TMC7: variants seen among roughly 807,000 people sequenced by gnomAD.
The protein encoded by TMC7 is transmembrane channel-like protein 7.
In TMC7, 54 loss-of-function variants were observed where a neutral mutation model predicts 82.9. That is an observed-to-expected ratio of 0.65 (90% CI 0.52 to 0.82). The LOEUF (loss-of-function observed/expected upper bound fraction) is 0.82, where lower values mean the gene tolerates loss of function less well. Among genes scored for constraint, TMC7 ranks in the 40% least tolerant of loss-of-function variants. The pLI is 0.00. For synonymous variants in TMC7, 350 were observed against 337.9 expected, an observed-to-expected ratio of 1.04 and a Z score of -0.39; for missense variants, 820 against 901.2, an observed-to-expected ratio of 0.91 and a Z score of 1.15.
At chr16:18,984,252 C>A in intron 1 of TMC7, 122 bp downstream of exon 1, 1 of 1,342,434 alleles carries the variant, frequency 7.4e-7, no homozygotes, top group Non-Finnish European at 9.5e-7. Flanking sequence ...GCCGGGTGCT[C>A]CCGGCTCTGG....
At chr16:19,004,861 T>C (rs1290002168) in intron 1 of TMC7, among the ~76,000 whole-genome samples, 1 of 151,512 alleles carries the variant, frequency 6.6e-6, no homozygotes, top group East Asian at 1.9e-4. Flanking sequence ...ATTCTTTTGT[T>C]TGTCTTTTGG....
At chr16:19,006,747 G>C (rs778357421) in intron 1 of TMC7, among the ~76,000 whole-genome samples, 1 of 152,228 alleles carries the variant, frequency 6.6e-6, no homozygotes, top group African/African-American at 2.4e-5. Flanking sequence ...GTCTGCTGGC[G>C]CTGGAGCACC....
At chr16:19,054,043 AT>A (rs1961659829) in intron 13 of TMC7, among the ~76,000 whole-genome samples, 1 of 151,952 alleles carries the variant, frequency 6.6e-6, no homozygotes, top group Non-Finnish European at 1.5e-5. Context: ...TGGGCCATAA[AT>A]TGTTCATCCA....
At position 19,044,921 on chromosome 16, in the gene TMC7, G is replaced by T. The variant is rs1400947000; in HGVS notation, c.1375G>T (p.Val459Leu). The T allele has an allele frequency of 6.2e-7, 1 of 1,613,960 alleles. No individual in the cohort carries two copies. The highest frequency in any genetic ancestry group is 1.1e-5 in the South Asian group (1 of 91,076). The change falls in exon 10 of 16, where the codon GTG becomes TTG. Residue 459 changes from valine (V) to leucine (L), a missense_variant. Transcript: ENST00000304381. ...FMRLATICVL[V>L]FTLGSKITSC... ...GCGGCTGGCCACCATATGTGTCCTG[G>T]TGTTCACGCTGGGCTCCAAGATCAC...
At chr16:19,023,806 A>G (rs1960097975) in intron 5 of TMC7, among the ~76,000 whole-genome samples, 1 of 152,204 alleles carries the variant, frequency 6.6e-6, no homozygotes, top group Non-Finnish European at 1.5e-5. Context: ...CACAGAAAGA[A>G]GCTTCAGTGA....
chr16:19,055,819 C>G (rs976266526), intron 13 of TMC7, among the ~76,000 whole-genome samples: 2 of 152,124 alleles, frequency 1.3e-5, no homozygotes, highest in African/African-American at 4.8e-5. Context: ...ACCCCCGTCA[C>G]CTAGGTATTA....
At position 19,047,217 on chromosome 16, in the gene TMC7, C is replaced by G. The variant is rs753878005; in HGVS notation, c.1708C>G (p.Leu570Val). 7.4e-6 allele frequency: 12 copies of G among 1,613,932 alleles called. No individual in the cohort carries two copies. In the South Asian group the frequency reaches 7.7e-5, roughly 10 times the overall value. Residue 570 changes from leucine (L) to valine (V), a missense_variant, in exon 12 of 16, where the codon CTG becomes GTG. This residue lies in a region of TMC7 where 170 missense variants were observed against 231.3 expected (regional missense o/e 0.74). Transcript: ENST00000304381. ...ACCCCTTCTCCCTGCAATTGCAACC[C>G]TGAAATTCATTATCATCTTCTATGT... ...FSPLLPAIAT[L>V]KFIIIFYVKE...
chr16:19,032,323 G>A (rs1422027602), intron 6 of TMC7, among the ~76,000 whole-genome samples: 5 of 152,138 alleles, frequency 3.3e-5, no homozygotes, highest in South Asian at 4.1e-4. Flanking sequence ...TGAGATGAAC[G>A]TGAACTAGTG....
chr16:18,987,652 T>C (rs2038876512), intron 1 of TMC7, among the ~76,000 whole-genome samples: 1 of 152,098 alleles, frequency 6.6e-6, no homozygotes, highest in African/African-American at 2.4e-5. Context: ...AACAGGGGCT[T>C]TGCCTTGTTT....
In TMC7 at chr16:19,029,313, G is replaced by A. The variant is rs144032497; in HGVS notation, c.712-911G>A. On this transcript the variant is annotated intron_variant, in intron 5 of 15. Coordinates refer to ENST00000304381, the MANE Select transcript of TMC7 (RefSeq NM_024847.4). ...AGCCACCGTGCCCGGCACGAGATTT[G>A]CACTTCCTTAGTTAAATTTAGTCCT... is the stretch of plus-strand genomic sequence containing the variant. 1.3e-4 allele frequency among the ~76,000 whole-genome samples: 20 copies of A among 151,988 alleles called. No homozygotes were observed. In the East Asian group the frequency reaches 3.9e-3, roughly 30 times the overall value.
At chr16:19,031,735 G>A (rs1960525380) in intron 6 of TMC7, among the ~76,000 whole-genome samples, 1 of 152,168 alleles carries the variant, frequency 6.6e-6, no homozygotes, top group African/African-American at 2.4e-5. Flanking sequence ...ACAGTCCTGG[G>A]TGGGGGCACA....
intron 9 of TMC7, among the ~76,000 whole-genome samples, chr16:19,042,170 A>G (rs1415134282): frequency 1.3e-5 from 2 of 151,828 alleles, no homozygotes; most frequent in Non-Finnish European, 2.9e-5. Flanking sequence ...TCTTTCCCCC[A>G]TTCTTTTCTT....
chr16:19,016,342 G>T, intron 2 of TMC7, 108 bp from the exon 3 acceptor site: 2 of 1,371,258 alleles, frequency 1.5e-6, no homozygotes, highest in Non-Finnish European at 1.0e-6. Flanking sequence ...CACCTGCCTC[G>T]GCCTCCCAGA....
At position 19,039,092 on chromosome 16, in the gene TMC7, CTTTTTTT is replaced by C. The variant is rs376747652; in HGVS notation, c.1179+1055_1179+1061del. Among the ~76,000 whole-genome samples, 525 of 130,454 alleles carry C rather than the reference CTTTTTTT, an allele frequency of 4.0e-3. 1 individual carries two copies. The highest frequency in any genetic ancestry group is 5.7e-3 in the Non-Finnish European group (354 of 62,252). The allele number at this position is 130,454 out of a possible 152,430, so 85.6% of individuals were successfully genotyped here. On this transcript the variant is annotated intron_variant, in intron 8 of 15. Transcript: ENST00000304381. ...GGTTTTCTTTTCTTCTTTCTTTTTT[CTTTTTTT>C]TTTTTTTTTGAGACAGAGTCTCACT...
chr16:19,026,409 G>A (rs1960229405), intron 5 of TMC7, among the ~76,000 whole-genome samples: 2 of 151,410 alleles, frequency 1.3e-5, no homozygotes, highest in African/African-American at 2.4e-5. Flanking sequence ...CCTGGGAGGT[G>A]GAGCTTGCAG....
intron 2 of TMC7, among the ~76,000 whole-genome samples, chr16:19,011,493 A>C (rs1394074469): frequency 6.9e-6 from 1 of 144,734 alleles, no homozygotes; most frequent in African/African-American, 2.5e-5. Flanking sequence ...GCATAGCAAG[A>C]CCCTGTCTTT....
In TMC7 at chr16:19,008,713, A is replaced by G. The variant is rs186879501; in HGVS notation, c.68-459A>G. ...CTGACACACAGGAAATGCTATTATT[A>G]TTGTTGCTGATGTTGTTGCCATGCA... On this transcript the variant is annotated intron_variant, in intron 1 of 15. Transcript: ENST00000304381. Among the ~76,000 whole-genome samples, 1,512 of 152,202 alleles carry G rather than the reference A, an allele frequency of 9.9e-3. 35 individuals are homozygous for G. Among genetic ancestry groups the G allele is most frequent in the African/African-American group, 0.034 (1,426 of 41,532 alleles).
intron 11 of TMC7, among the ~76,000 whole-genome samples, chr16:19,045,920 G>A (rs1294164087): frequency 6.6e-6 from 1 of 151,292 alleles, no homozygotes; most frequent in Non-Finnish European, 1.5e-5. Flanking sequence ...TTGTAGAGAG[G>A]GGCTCTTGCT....
intron 2 of TMC7, among the ~76,000 whole-genome samples, chr16:19,012,862 CTT>C (rs959963285): frequency 8.1e-6 from 1 of 123,954 alleles, no homozygotes; most frequent in Non-Finnish European, 1.7e-5. Context: ...AAGGATCATT[CTT>C]TTTTTTTTGA....
Sources: allele counts gnomAD v4.1 joint callset (sites outside exome capture counted in the v4.1 genomes callset), GRCh38; gene constraint gnomAD v4.1.1; regional missense constraint gnomAD v4.1.1; transcripts MANE v1.5; gene names NCBI Gene and HGNC (gene_info 2026-07-23, HGNC 2026-07-21).